KLHL32: variants seen among roughly 807,000 people sequenced by gnomAD.
The protein encoded by KLHL32 is kelch like family member 32.
Under a neutral mutation model 64.8 loss-of-function variants are expected in KLHL32, and 35 were observed. The ratio of observed to expected loss-of-function variants is 0.54; its 90% CI spans 0.41 to 0.72. KLHL32 has a LOEUF of 0.72. KLHL32 is among the 30% of genes least tolerant of loss of function. KLHL32 has a pLI of 0.00. For missense variants in KLHL32, 589 were observed against 768.5 expected, an observed-to-expected ratio of 0.77 and a Z score of 2.76; for synonymous variants, 259 against 281.0, an observed-to-expected ratio of 0.92 and a Z score of 0.78.
At chr6:97,000,141 T>C (rs1290386040) in intron 3 of KLHL32, among the ~76,000 whole-genome samples, 2 of 151,716 alleles carry the variant, frequency 1.3e-5, no homozygotes, top group Admixed American at 6.6e-5. Context: ...AAGGAAAGGG[T>C]TTCAGGAGGT....
chr6:97,043,142 C>T (rs1785382184), intron 4 of KLHL32, among the ~76,000 whole-genome samples: 1 of 152,180 alleles, frequency 6.6e-6, no homozygotes, highest in Non-Finnish European at 1.5e-5. Context: ...CCTGCAGAAC[C>T]ATAAGCCAAA....
intron 3 of KLHL32, among the ~76,000 whole-genome samples, chr6:97,005,979 A>G (rs1256597585): frequency 1.3e-5 from 2 of 152,164 alleles, no homozygotes; most frequent in Admixed American, 6.5e-5. Context: ...AGAAGAATGT[A>G]TATGCTCTTG....
chr6:96,976,079 A>G lies in KLHL32; in HGVS notation c.106A>G (p.Arg36Gly). The stretch of plus-strand genomic sequence containing the variant: ...TGTCCTGGCAGCGCTGAATCAGCAG[A>G]GGAGTGATGGCATCCTCTGCGACAT... ...DSVLAALNQQ[R>G]SDGILCDITL... The change falls in exon 3 of 11, where the codon AGG becomes GGG. Residue 36 changes from arginine (R) to glycine (G), a missense_variant. By Grantham distance (125) the Arg-to-Gly change is moderately radical. Coordinates refer to ENST00000369261, the MANE Select transcript of KLHL32 (RefSeq NM_052904.4). The G allele has an allele frequency of 1.2e-6, 2 of 1,609,964 alleles. No individual in the cohort carries two copies. The highest frequency in any genetic ancestry group is 1.7e-6 in the Non-Finnish European group (2 of 1,177,114).
chr6:97,076,282 C>T (rs544507013), intron 5 of KLHL32, among the ~76,000 whole-genome samples: 3 of 152,296 alleles, frequency 2.0e-5, no homozygotes, highest in East Asian at 3.9e-4. Flanking sequence ...TCCCTTTACC[C>T]GCTCAGTGAG....
chr6:96,985,199 C>A (rs941311508), intron 3 of KLHL32, among the ~76,000 whole-genome samples: 13 of 152,088 alleles, frequency 8.5e-5, no homozygotes, highest in Non-Finnish European at 1.8e-4. Context: ...GAATATTGGC[C>A]CCCACTCTCT....
chr6:97,095,837 C>A (rs187670293), intron 6 of KLHL32, among the ~76,000 whole-genome samples: 1 of 152,150 alleles, frequency 6.6e-6, no homozygotes, highest in Non-Finnish European at 1.5e-5. Flanking sequence ...AACCATTTCC[C>A]AGATAGCTTT....
chr6:97,017,299 A>G (rs1781349150), intron 3 of KLHL32, among the ~76,000 whole-genome samples: 1 of 152,234 alleles, frequency 6.6e-6, no homozygotes, highest in Non-Finnish European at 1.5e-5. Flanking sequence ...TTGAACTCAG[A>G]GACAGATAGC....
At chr6:97,030,746 A>G (rs1171399381) in intron 3 of KLHL32, among the ~76,000 whole-genome samples, 1 of 152,218 alleles carries the variant, frequency 6.6e-6, no homozygotes, top group Non-Finnish European at 1.5e-5. Flanking sequence ...TGTTTAGCTT[A>G]CAGTAGATGC....
chr6:97,113,508 A>G (rs983273396), intron 6 of KLHL32, among the ~76,000 whole-genome samples: 10 of 152,140 alleles, frequency 6.6e-5, no homozygotes, highest in African/African-American at 1.2e-4. Context: ...TTGAAAATCA[A>G]TTACTGTTCA....
At chr6:96,924,369 C>G (rs1274606426), upstream of KLHL32, among the ~76,000 whole-genome samples, 1 of 151,534 alleles carries the variant, frequency 6.6e-6, no homozygotes, top group Non-Finnish European at 1.5e-5. Flanking sequence ...GCATGTGACC[C>G]AGGGGCCGGC....
chr6:97,030,132 C>T (rs2128114104), intron 3 of KLHL32, among the ~76,000 whole-genome samples: 1 of 152,260 alleles, frequency 6.6e-6, no homozygotes, highest in Admixed American at 6.5e-5. Flanking sequence ...AGTGGTTTTG[C>T]CTGTGTTCAG....
intron 1 of KLHL32, among the ~76,000 whole-genome samples, chr6:96,951,566 C>T (rs1006479554): frequency 6.6e-6 from 1 of 152,042 alleles, no homozygotes; most frequent in Admixed American, 6.6e-5. Context: ...GCCATCACTA[C>T]CATCATCTTA....
At chr6:97,070,448 C>T (rs1483806601) in intron 5 of KLHL32, among the ~76,000 whole-genome samples, 1 of 151,906 alleles carries the variant, frequency 6.6e-6, no homozygotes, top group Admixed American at 6.6e-5. Context: ...TTTTAGGGTC[C>T]CAATTAATTT....
At position 97,127,400 on chromosome 6, in the gene KLHL32, A is replaced by G. The variant is rs1350942953; in HGVS notation, c.1355-4A>G. The G allele has an allele frequency of 6.2e-7, 1 of 1,609,172 alleles. No homozygotes were observed. The highest frequency in any genetic ancestry group is 2.2e-5 in the East Asian group (1 of 44,830). On this transcript the variant is annotated splice_polypyrimidine_tract_variant and splice_region_variant and intron_variant, in intron 7 of 10. Transcript: ENST00000369261. Reference sequence around the variant, plus strand: ...AAGCTCTAACACATGTTAATCCATTACAGGTGGAGTAACTAATACGGCACA... The same window carrying G: ...AAGCTCTAACACATGTTAATCCATTGCAGGTGGAGTAACTAATACGGCACA...
rs766795841 is a variant in KLHL32, at chr6:97,085,343, T to C, written c.627+2T>C. 6.2e-7 allele frequency: 1 copy of C among 1,612,206 alleles called. No individual in the cohort carries two copies. Among genetic ancestry groups the C allele is most frequent in the Non-Finnish European group, 8.5e-7 (1 of 1,179,832 alleles). On this transcript the variant is annotated splice_donor_variant, in intron 6 of 10. Transcript: ENST00000369261. LOFTEE classifies it high-confidence loss of function. ...CTGAGTGAAGAGCAGATCTGGCAGG[T>C]AAGGGCGCTGTGCACGGTCGCTTTT...
At chr6:97,008,441 T>C (rs1454910139) in intron 3 of KLHL32, among the ~76,000 whole-genome samples, 1 of 152,080 alleles carries the variant, frequency 6.6e-6, no homozygotes, top group Non-Finnish European at 1.5e-5. Flanking sequence ...CCCTGCTGTG[T>C]CCAGGTATGA....
chr6:97,060,519 A>G (rs1486003669), intron 4 of KLHL32, among the ~76,000 whole-genome samples: 6 of 152,154 alleles, frequency 3.9e-5, no homozygotes, highest in Non-Finnish European at 8.8e-5. Context: ...CCACGTCATC[A>G]TGCTCTATAC....
intron 5 of KLHL32, among the ~76,000 whole-genome samples, chr6:97,067,443 G>T (rs534525354): frequency 6.6e-6 from 1 of 152,054 alleles, no homozygotes; most frequent in African/African-American, 2.4e-5. Flanking sequence ...GCTAATTGAT[G>T]GGGGGGTGCC....
intron 3 of KLHL32, among the ~76,000 whole-genome samples, chr6:97,038,705 A>G (rs1344586743): frequency 1.3e-5 from 2 of 151,946 alleles, no homozygotes; most frequent in African/African-American, 4.8e-5. Context: ...AAATATATCT[A>G]TATATCTATA....
Sources: gnomAD v4.1 joint callset for allele counts (sites outside exome capture counted in the v4.1 genomes callset) on GRCh38, gnomAD v4.1.1 for gene constraint, MANE v1.5 for transcripts, NCBI Gene and HGNC (gene_info 2026-07-23, HGNC 2026-07-21) for gene names.